The following PAFAH1B2 variants were observed in gnomAD, a reference collection of about 807,000 sequenced individuals.
PAFAH1B2 encodes platelet-activating factor acetylhydrolase IB subunit alpha2.
PAFAH1B2 carries 8 observed loss-of-function variants against 28.0 expected under a neutral mutation model. The ratio of observed to expected loss-of-function variants is 0.29; its 90% CI spans 0.17 to 0.52. The LOEUF (loss-of-function observed/expected upper bound fraction) is 0.52. Ranked by LOEUF, PAFAH1B2 falls within the 20% of genes least tolerant of loss-of-function variation. The probability of loss-of-function intolerance (pLI) is 0.97; values close to 1 mark genes in which losing one functional copy is unlikely to be tolerated. For missense variants in PAFAH1B2, 190 were observed against 282.6 expected (o/e 0.67, Z 2.35); for synonymous variants, 104 against 103.2 (o/e 1.01, Z -0.05).
downstream of PAFAH1B2, among the ~76,000 whole-genome samples, chr11:117,172,095 G>A (rs910416808): frequency 2.6e-5 from 4 of 151,846 alleles, no homozygotes; most frequent in Non-Finnish European, 5.9e-5. Context: ...CAGAACAAGT[G>A]GAAGTGGTAG....
intron 1 of PAFAH1B2, among the ~76,000 whole-genome samples, chr11:117,145,539 G>C (rs529024831): frequency 3.0e-4 from 45 of 152,252 alleles, no homozygotes; most frequent in African/African-American, 1.0e-3. Flanking sequence ...GCTTCTTCTG[G>C]GCACATTGTT....
chr11:117,152,125 T>TA (rs891008907), intron 1 of PAFAH1B2, among the ~76,000 whole-genome samples: 4 of 152,232 alleles, frequency 2.6e-5, no homozygotes, highest in African/African-American at 9.6e-5. Flanking sequence ...ACTTGGTACT[T>TA]ACAGTAACAT....
At position 117,168,211 on chromosome 11, in the gene PAFAH1B2, C is replaced by T; in HGVS notation, c.*512C>T. On this transcript the variant is annotated 3_prime_UTR_variant, in exon 6 of 6. Transcript: ENST00000527958. ...TATTAACATGTAGCATCAGGTTGAA[C>T]ATGCTTGTCATTGATATATGGAAGA... The T allele has an allele frequency of 2.8e-6, 3 of 1,053,000 alleles. No homozygotes were observed. Among genetic ancestry groups the T allele is most frequent in the South Asian group, 4.6e-5 (1 of 21,768 alleles). 65.2% of individuals were successfully genotyped at this position (1,053,000 alleles called of 1,614,324 possible). A position where few individuals can be genotyped will look rare whatever the true frequency, so the allele number is the denominator to read the frequency against.
At chr11:117,146,872 G>A (rs1319098431) in intron 1 of PAFAH1B2, among the ~76,000 whole-genome samples, 2 of 151,566 alleles carry the variant, frequency 1.3e-5, no homozygotes, top group Admixed American at 6.6e-5. Flanking sequence ...GCAGCTATTC[G>A]GGAGGATCGC....
At chr11:117,162,879 G>A (rs1410596003) in intron 4 of PAFAH1B2, among the ~76,000 whole-genome samples, 2 of 152,138 alleles carry the variant, frequency 1.3e-5, no homozygotes, top group Admixed American at 6.5e-5. Flanking sequence ...AGGCTGGAGT[G>A]CAGTGGCATG....
chr11:117,152,353 A>G (rs1391324048), intron 1 of PAFAH1B2, 88 bp from the exon 2 acceptor site: 3 of 746,212 alleles, frequency 4.0e-6, no homozygotes, highest in Non-Finnish European at 7.0e-6. Flanking sequence ...AACTTTAATT[A>G]TTATTTAAAG....
rs370382432 is a variant in PAFAH1B2, at chr11:117,152,415, A to G, written c.-7-26A>G. On this transcript the variant is annotated intron_variant, in intron 1 of 5. Transcript: ENST00000527958. ...AACAAACCTTCCTGTTAACAAATGA[A>G]ACATGACATAGACGTTTTTTCTCAG... 9.8e-4 allele frequency: 1,402 copies of G among 1,427,082 alleles called. 20 individuals carry two copies. The highest frequency in any genetic ancestry group is 1.1e-3 in the Middle Eastern group (6 of 5,684). 88.4% of individuals were successfully genotyped at this position (1,427,082 alleles called of 1,614,324 possible). A position where few individuals can be genotyped will look rare whatever the true frequency, so the allele number is the denominator to read the frequency against.
chr11:117,146,617 C>T (rs1336818180), intron 1 of PAFAH1B2, among the ~76,000 whole-genome samples: 16 of 152,012 alleles, frequency 1.1e-4, no homozygotes, highest in Admixed American at 1.0e-3. Context: ...TCACTTGAGC[C>T]CAGGAGATCA....
At chr11:117,165,016 CAT>C (rs1418023827) in intron 5 of PAFAH1B2, among the ~76,000 whole-genome samples, 2 of 138,284 alleles carry the variant, frequency 1.4e-5, no homozygotes, top group African/African-American at 5.3e-5. Context: ...AGTGCAGTGG[CAT>C]GATCTCGGCT....
rs1956624222 is a variant in PAFAH1B2 at position 117,170,394 on chromosome 11, G to A, written c.*2695G>A. 5 of 1,059,014 alleles carry A rather than the reference G, an allele frequency of 4.7e-6. No homozygotes were observed. Among genetic ancestry groups the A allele is most frequent in the Non-Finnish European group, 5.7e-6 (5 of 876,574 alleles). 65.6% of individuals were successfully genotyped at this position (1,059,014 alleles called of 1,614,324 possible). A position where few individuals can be genotyped will look rare whatever the true frequency, so the allele number is the denominator to read the frequency against. ...GTGATGGAACTATAAAGATGTCTGTGGTCATATGTTGAATGTGGCAGCTTG... is the reference window on the plus strand; with the variant it reads ...GTGATGGAACTATAAAGATGTCTGTAGTCATATGTTGAATGTGGCAGCTTG... On this transcript the variant is annotated 3_prime_UTR_variant, in exon 6 of 6. Coordinates refer to ENST00000527958, the MANE Select transcript of PAFAH1B2 (RefSeq NM_002572.4).
intron 3 of PAFAH1B2, 151 bp from the exon 4 acceptor site, chr11:117,160,994 G>A (rs1434484998): frequency 5.2e-6 from 3 of 581,756 alleles, no homozygotes; most frequent in Non-Finnish European, 8.9e-6. Flanking sequence ...TTACACAATG[G>A]TATCTTAAAA....
In PAFAH1B2 at chr11:117,149,429, C is replaced by CTTTTTTTTTTTTT. The variant is rs1565260556; in HGVS notation, c.-7-3012_-7-3011insTTTTTTTTTTTTT. ...TTTAATTTAAAAAAAGTTTTCTAAT[C>CTTTTTTTTTTTTT]GTTTTTTTTTTTTTTGAGATGGAGT... is the stretch of plus-strand genomic sequence containing the variant. On this transcript the variant is annotated intron_variant, in intron 1 of 5. Transcript: ENST00000527958. Among the ~76,000 whole-genome samples, 92 of 33,468 alleles carry CTTTTTTTTTTTTT rather than the reference C, an allele frequency of 2.7e-3. 2 individuals carry two copies. Among genetic ancestry groups the CTTTTTTTTTTTTT allele is most frequent in the African/African-American group, 5.5e-3 (52 of 9,388 alleles). The allele number at this position is 33,468 out of a possible 152,430, so 22.0% of individuals were successfully genotyped here. A position where few individuals can be genotyped will look rare whatever the true frequency, so the allele number is the denominator to read the frequency against.
chr11:117,173,934 A>G (rs192368709), downstream of PAFAH1B2, among the ~76,000 whole-genome samples: 1 of 152,212 alleles, frequency 6.6e-6, no homozygotes, highest in Non-Finnish European at 1.5e-5. Context: ...AATCACAGTG[A>G]AAACAGAAAG....
intron 1 of PAFAH1B2, among the ~76,000 whole-genome samples, chr11:117,151,233 C>CTTTTTTTT (rs11449159): frequency 1.5e-5 from 2 of 133,970 alleles, no homozygotes; most frequent in African/African-American, 5.6e-5. Flanking sequence ...TTTTCTTTTT[C>CTTTTTTTT]TTTTTTTTTT....
downstream of PAFAH1B2, chr11:117,175,658 T>C: frequency 7.7e-7 from 1 of 1,306,134 alleles, no homozygotes. Flanking sequence ...AGCAAGCTTC[T>C]GGAGTGCCCC....
At chr11:117,154,738 C>A (rs772100280) in intron 2 of PAFAH1B2, among the ~76,000 whole-genome samples, 3 of 152,162 alleles carry the variant, frequency 2.0e-5, no homozygotes, top group Non-Finnish European at 4.4e-5. Context: ...GCCACCGTGC[C>A]TGACTTTAAA....
chr11:117,175,855 A>G, downstream of PAFAH1B2: 1 of 1,493,554 alleles, frequency 6.7e-7, no homozygotes, highest in Non-Finnish European at 9.0e-7. Flanking sequence ...TGAAGCCAGG[A>G]GTTCAAGACC....
intron 2 of PAFAH1B2, among the ~76,000 whole-genome samples, chr11:117,156,689 C>G (rs1205775119): frequency 2.0e-5 from 3 of 152,088 alleles, no homozygotes; most frequent in Non-Finnish European, 4.4e-5. Context: ...GTCTTAAATT[C>G]CACGACTCTA....
intron 2 of PAFAH1B2, among the ~76,000 whole-genome samples, chr11:117,154,821 T>C (rs1167519415): frequency 6.6e-6 from 1 of 152,154 alleles, no homozygotes; most frequent in Admixed American, 6.5e-5. Flanking sequence ...CAAAATAGTC[T>C]GGGGATGGAG....
Sources: gnomAD v4.1 joint callset for allele counts (sites outside exome capture counted in the v4.1 genomes callset) on GRCh38, gnomAD v4.1.1 for gene constraint, MANE v1.5 for transcripts, NCBI Gene and HGNC (gene_info 2026-07-23, HGNC 2026-07-21) for gene names.